Variants in KLC2 observed in about 807,000 individuals in gnomAD.
The protein encoded by KLC2 is KLC 2.
Under a neutral mutation model 75.1 loss-of-function variants are expected in KLC2, and 35 were observed. That is an observed-to-expected ratio of 0.47 (90% CI 0.36 to 0.62). The LOEUF is 0.62. Among genes scored for constraint, KLC2 ranks in the 20% least tolerant of loss-of-function variants. The pLI, the probability that KLC2 is intolerant of heterozygous loss-of-function variation, is 0.00. For synonymous variants in KLC2, 314 were observed against 336.7 expected (o/e 0.93, Z 0.74); for missense variants, 611 against 833.2 (o/e 0.73, Z 3.28).
the KLC2 span, among the ~76,000 whole-genome samples, chr11:66,246,407 C>T: frequency 1.3e-5 from 2 of 152,228 alleles, no homozygotes; most frequent in South Asian, 2.1e-4. Context: ...ACTCTCAGCC[C>T]GTCTGCATCT....
chr11:66,257,026 C>G (rs1463728644), upstream of KLC2, among the ~76,000 whole-genome samples: 1 of 152,188 alleles, frequency 6.6e-6, no homozygotes, highest in Admixed American at 6.5e-5. Context: ...CGCGGGGCAC[C>G]ATCGCTGTCT....
At chr11:66,260,526 G>A (rs759538528) in intron 2 of KLC2, among the ~76,000 whole-genome samples, 69 of 152,186 alleles carry the variant, frequency 4.5e-4, no homozygotes, top group Non-Finnish European at 5.4e-4. Flanking sequence ...TGTAATTCCA[G>A]CACTTTGGGA....
chr11:66,265,775 T>G lies in KLC2; in HGVS notation c.1443+12T>G. Reference sequence around the variant, plus strand: ...GTAACCGCAAGCAGGTGGGGCTCCATGCAGGAGGGGGTGGGCAGACACCTG... The same window carrying G: ...GTAACCGCAAGCAGGTGGGGCTCCAGGCAGGAGGGGGTGGGCAGACACCTG... On this transcript the variant is annotated intron_variant, in intron 12 of 15. Transcript: ENST00000394067. 1 of 1,612,226 alleles carries G rather than the reference T, an allele frequency of 6.2e-7. No homozygotes were observed. Among genetic ancestry groups the G allele is most frequent in the Non-Finnish European group, 8.5e-7 (1 of 1,178,842 alleles).
chr11:66,245,672 C>T, the KLC2 span, among the ~76,000 whole-genome samples: 7 of 150,294 alleles, frequency 4.7e-5, no homozygotes, highest in Admixed American at 6.6e-5. Flanking sequence ...GCCGAGATCG[C>T]GCCACTGTAC....
In KLC2 at chr11:66,258,726, A is replaced by C. The variant is rs766652477; in HGVS notation, c.132A>C (p.Ala44=). The C allele has an allele frequency of 6.2e-7, 1 of 1,613,352 alleles. No homozygotes were observed. The highest frequency in any genetic ancestry group is 2.2e-5 in the East Asian group (1 of 44,866). Residue 44 remains alanine (A), a synonymous_variant, in exon 2 of 16, where the codon GCA becomes GCC. Transcript: ENST00000394067. ...EHRALLAPLV[A]PEAGEAEPGS... is the part of the protein sequence containing the mutation. ...GTGCCCTGCTGGCTCCTCTGGTTGCACCTGAGGCCGGCGAAGCCGAGCCTG... is the reference window on the plus strand; with the variant it reads ...GTGCCCTGCTGGCTCCTCTGGTTGCCCCTGAGGCCGGCGAAGCCGAGCCTG...
chr11:66,250,820 T>G, the KLC2 span, among the ~76,000 whole-genome samples: 1 of 152,152 alleles, frequency 6.6e-6, no homozygotes, highest in Non-Finnish European at 1.5e-5. Context: ...CAGGGCTCAG[T>G]GCAGCTGGAG....
rs1178152785 is a variant in KLC2 at position 66,266,860 on chromosome 11, C to T, written c.1786-13C>T. On this transcript the variant is annotated splice_polypyrimidine_tract_variant and intron_variant, in intron 15 of 15. Transcript: ENST00000394067. ...CAGCACAGGGCTGAGCCACCTGCCC[C>T]CTCTGCCCACAGCCTGGAGGCACAG... The T allele has an allele frequency of 6.2e-7, 1 of 1,612,662 alleles. No individual in the cohort carries two copies. The highest frequency in any genetic ancestry group is 1.3e-5 in the African/African-American group (1 of 75,018).
chr11:66,264,243 G>A, intron 8 of KLC2, 24 bp downstream of exon 8: 1 of 1,567,590 alleles, frequency 6.4e-7, no homozygotes, highest in East Asian at 2.3e-5. Context: ...GAGAGGAGCT[G>A]GAGGATGGGA....
rs538953075 is a variant in KLC2 at position 66,264,691 on chromosome 11, G to A, written c.1216+247G>A. On this transcript the variant is annotated intron_variant, in intron 9 of 15. Coordinates refer to ENST00000394067, the MANE Select transcript of KLC2 (RefSeq NM_001318734.2). Reference sequence around the variant, plus strand: ...CTTTGCATCCCCCTTCTCCACTGGCGATTCTTGCTCACCTTGAGGGCCTGC... The same window carrying A: ...CTTTGCATCCCCCTTCTCCACTGGCAATTCTTGCTCACCTTGAGGGCCTGC... The A allele has an allele frequency of 8.9e-5, 52 of 586,042 alleles. No individual in the cohort carries two copies. The Admixed American group carries it at 1.5e-3, about 17-fold the overall frequency. 36.3% of individuals were successfully genotyped at this position (586,042 alleles called of 1,614,324 possible). A position where few individuals can be genotyped will look rare whatever the true frequency, so the allele number is the denominator to read the frequency against.
chr11:66,251,609 C>G, the KLC2 span, among the ~76,000 whole-genome samples: 1 of 150,650 alleles, frequency 6.6e-6, no homozygotes, highest in Non-Finnish European at 1.5e-5. Context: ...CCCGTCTCTA[C>G]TAAAAATACA....
At position 66,267,134 on chromosome 11, in the gene KLC2, G is replaced by GC; in HGVS notation, c.*181dup. 1 of 1,534,072 alleles carries GC rather than the reference G, an allele frequency of 6.5e-7. No homozygotes were observed. The highest frequency in any genetic ancestry group is 1.2e-5 in the South Asian group (1 of 81,870). ...AGCCTGAGCCCTGGAGGCTGGGCCT[G>GC]CCCACTCCAGCTCCATCCCTTATTT... is the stretch of plus-strand genomic sequence containing the variant. On this transcript the variant is annotated 3_prime_UTR_variant, in exon 16 of 16. Coordinates refer to ENST00000394067, the MANE Select transcript of KLC2 (RefSeq NM_001318734.2).
In KLC2 at chr11:66,267,621, C is replaced by G; in HGVS notation, c.*665C>G. 3.3e-6 allele frequency: 2 copies of G among 598,644 alleles called. No individual in the cohort carries two copies. Among genetic ancestry groups the G allele is most frequent in the South Asian group, 2.0e-5 (1 of 51,210 alleles). 37.1% of individuals were successfully genotyped at this position (598,644 alleles called of 1,614,324 possible). On this transcript the variant is annotated 3_prime_UTR_variant, in exon 16 of 16. Transcript: ENST00000394067. ...TAGTCCGTCCTCCCACCGCCGGGCC[C>G]TGCCCCGCATCCCGGCCTTATGCAC...
Position 66,267,163 on chromosome 11 carries a change from C to T in KLC2, c.*207C>T. ...ACTCCAGCTCCATCCCTTATTTATT[C>T]CTTCCAGCAGGGCCCTCTTCCCTAG... On this transcript the variant is annotated 3_prime_UTR_variant, in exon 16 of 16. Transcript: ENST00000394067. The T allele has an allele frequency of 6.5e-7, 1 of 1,545,384 alleles. No homozygotes were observed. Among genetic ancestry groups the T allele is most frequent in the Non-Finnish European group, 8.7e-7 (1 of 1,143,880 alleles).
rs867986501 is a variant in KLC2 at position 66,266,365 on chromosome 11, C to G, written c.1728-68C>G. The G allele has an allele frequency of 2.0e-5, 30 of 1,511,812 alleles. 1 individual carries two copies. The South Asian group carries it at 2.0e-4, about 10-fold the overall frequency. The allele number at this position is 1,511,812 out of a possible 1,614,324, so 93.6% of individuals were successfully genotyped here. A position where few individuals can be genotyped will look rare whatever the true frequency, so the allele number is the denominator to read the frequency against. On this transcript the variant is annotated intron_variant, in intron 14 of 15. Coordinates refer to ENST00000394067, the MANE Select transcript of KLC2 (RefSeq NM_001318734.2). ...CAGTCTGTTCCCTCCCCAGCCCCACCCTTCTCCCTGCCCCCATCTCCCGTG... is the reference window on the plus strand; with the variant it reads ...CAGTCTGTTCCCTCCCCAGCCCCACGCTTCTCCCTGCCCCCATCTCCCGTG...
chr11:66,250,051 G>A, the KLC2 span, among the ~76,000 whole-genome samples: 4 of 151,804 alleles, frequency 2.6e-5, no homozygotes, highest in Admixed American at 2.0e-4. Context: ...CACCACCCTC[G>A]AGCCACACCT....
intron 11 of KLC2, 130 bp from the exon 12 acceptor site, chr11:66,265,525 C>T (rs934699835): frequency 7.4e-6 from 6 of 809,972 alleles, no homozygotes; most frequent in Non-Finnish European, 1.2e-5. Flanking sequence ...CAGCACAGGG[C>T]TTGACATGGG....
chr11:66,265,191 C>A lies in KLC2; in HGVS notation c.1290C>A (p.Pro430=). The part of the protein sequence containing the change: ...ESKDKRRDSA[P]YGEYGSWYKA... ...AGGATAAGCGCCGGGACAGCGCCCC[C>A]TATGGGGAATACGGCAGCTGGTACA... The change falls in exon 11 of 16, where the codon CCC becomes CCA. Residue 430 remains proline (P), a synonymous_variant. Transcript: ENST00000394067. The A allele has an allele frequency of 6.3e-7, 1 of 1,585,098 alleles. No individual in the cohort carries two copies. The highest frequency in any genetic ancestry group is 8.6e-7 in the Non-Finnish European group (1 of 1,159,538).
chr11:66,245,493 G>A, the KLC2 span, among the ~76,000 whole-genome samples: 1 of 152,152 alleles, frequency 6.6e-6, no homozygotes, highest in Non-Finnish European at 1.5e-5. Flanking sequence ...TGAGGTGGGT[G>A]GATCATGAGG....
At chr11:66,245,665 G>A in the KLC2 span, among the ~76,000 whole-genome samples, 54 of 151,692 alleles carry the variant, frequency 3.6e-4, no homozygotes, top group African/African-American at 1.3e-3. Flanking sequence ...GCAGTGAGCC[G>A]AGATCGCGCC....
Sources: gnomAD v4.1 joint callset for allele counts (sites outside exome capture counted in the v4.1 genomes callset) on GRCh38, gnomAD v4.1.1 for gene constraint, MANE v1.5 for transcripts, NCBI Gene and HGNC (gene_info 2026-07-23, HGNC 2026-07-21) for gene names.